The following PCNX2 variants were observed in gnomAD, a reference collection of about 807,000 sequenced individuals.
PCNX2 encodes the protein pecanex 2, also known as pecanex-like protein 2.
Under a neutral mutation model 223.8 loss-of-function variants are expected in PCNX2, and 168 were observed. The observed-to-expected ratio is 0.75, with a 90% CI of 0.66 to 0.85. The LOEUF is 0.85. PCNX2 is among the 40% of genes least tolerant of loss of function. The pLI, the probability that PCNX2 is intolerant of heterozygous loss-of-function variation, is 0.00. For missense variants in PCNX2, 2,507 were observed against 2,675.5 expected (o/e 0.94, Z 1.39); for synonymous variants, 1,006 against 1,052.6 (o/e 0.96, Z 0.86).
chr1:233,276,238 T>C (rs998981648), intron 1 of PCNX2, among the ~76,000 whole-genome samples: 2 of 152,186 alleles, frequency 1.3e-5, no homozygotes, highest in African/African-American at 2.4e-5. Flanking sequence ...AAATTCTGCA[T>C]GGTTCCACTT....
intron 19 of PCNX2, among the ~76,000 whole-genome samples, chr1:233,152,004 T>C (rs1447053974): frequency 6.6e-6 from 1 of 152,190 alleles, no homozygotes; most frequent in Admixed American, 6.5e-5. Context: ...CCCGCTGCAG[T>C]GTAACTTGGC....
At chr1:233,292,111 A>G (rs1661798838) in intron 1 of PCNX2, 2 of 836,912 alleles carry the variant, frequency 2.4e-6, no homozygotes, top group Non-Finnish European at 2.9e-6. Context: ...ATTTGCCTCA[A>G]TAATTAATAA....
intron 1 of PCNX2, among the ~76,000 whole-genome samples, chr1:233,266,380 G>A (rs1367827256): frequency 6.6e-6 from 1 of 152,002 alleles, no homozygotes; most frequent in Non-Finnish European, 1.5e-5. Flanking sequence ...TCTCCCTTCA[G>A]TAGACCCTCC....
chr1:233,124,992 C>A (rs1406321338), intron 21 of PCNX2, among the ~76,000 whole-genome samples: 1 of 152,180 alleles, frequency 6.6e-6, no homozygotes. Context: ...TATACTTGGT[C>A]ATTTACAAAT....
chr1:233,199,097 G>C, intron 14 of PCNX2, 67 bp from the exon 15 acceptor site: 2 of 1,395,160 alleles, frequency 1.4e-6, no homozygotes, highest in South Asian at 1.3e-5. Flanking sequence ...ATGTAAAACA[G>C]TGAAGAGATG....
At chr1:233,314,732 G>A in the PCNX2 span, among the ~76,000 whole-genome samples, 10 of 151,724 alleles carry the variant, frequency 6.6e-5, no homozygotes, top group African/African-American at 2.4e-4. Context: ...ATTAGGCTGG[G>A]GGCTTTTATT....
chr1:233,097,186 T>C (rs1000607356), intron 21 of PCNX2, among the ~76,000 whole-genome samples: 5 of 152,026 alleles, frequency 3.3e-5, no homozygotes, highest in Non-Finnish European at 7.4e-5. Flanking sequence ...CCTAAAAACA[T>C]GTCTACCAGA....
intron 12 of PCNX2, among the ~76,000 whole-genome samples, chr1:233,215,100 T>G (rs1572091224): frequency 6.6e-6 from 1 of 152,232 alleles, no homozygotes; most frequent in East Asian, 1.9e-4. Context: ...CCCTTATGAA[T>G]AAAAATCAGC....
intron 13 of PCNX2, among the ~76,000 whole-genome samples, chr1:233,203,177 T>C (rs1681231393): frequency 6.6e-6 from 1 of 152,182 alleles, no homozygotes; most frequent in Non-Finnish European, 1.5e-5. Context: ...CCAGACCCCA[T>C]ACAGGCCATG....
intron 21 of PCNX2, among the ~76,000 whole-genome samples, chr1:233,104,349 T>C (rs1674649543): frequency 6.6e-6 from 1 of 152,090 alleles, no homozygotes; most frequent in South Asian, 2.1e-4. Context: ...AATCAATACA[T>C]TTTTACCAAA....
intron 17 of PCNX2, among the ~76,000 whole-genome samples, chr1:233,171,355 C>T (rs1679142923): frequency 6.6e-6 from 1 of 151,672 alleles, no homozygotes; most frequent in Non-Finnish European, 1.5e-5. Context: ...TCACTTTCTA[C>T]TGAAAAATAT....
At position 233,001,296 on chromosome 1, in the gene PCNX2, A is replaced by G. The variant is rs1427450369; in HGVS notation, c.5097+241T>C. On this transcript the variant is annotated intron_variant, in intron 29 of 33. Transcript: ENST00000258229. This position sits in a 1 kb window ranked among gnomAD's most constrained non-coding sequence, Gnocchi z 4.2. Reference sequence around the variant, plus strand: ...GGAGTTCGAGATCAGCCTGACCAACATGGAGAAACCCCATTTCTACTACAA... The same window carrying G: ...GGAGTTCGAGATCAGCCTGACCAACGTGGAGAAACCCCATTTCTACTACAA... 1.3e-5 allele frequency among the ~76,000 whole-genome samples: 2 copies of G among 152,142 alleles called. No individual in the cohort carries two copies. Among genetic ancestry groups the G allele is most frequent in the Admixed American group, 6.6e-5 (1 of 15,258 alleles).
chr1:233,160,290 T>C lies in PCNX2; in HGVS notation c.3510A>G (p.Glu1170=), dbSNP rs1678390108. 1.9e-6 allele frequency: 3 copies of C among 1,612,762 alleles called. No individual in the cohort carries two copies. The highest frequency in any genetic ancestry group is 2.5e-6 in the Non-Finnish European group (3 of 1,179,132). Residue 1170 remains glutamate (E), a synonymous_variant, in exon 19 of 34, where the codon GAA becomes GAG. Coordinates refer to ENST00000258229, the MANE Select transcript of PCNX2 (RefSeq NM_014801.4). ...ILKNKEYHQR[E]VRDVAHLMWF... is the part of the protein sequence containing the mutation. Reference sequence around the variant, plus strand: ...GAGGGATATATTACTAACCTCTCACTTCCCGTTGATGATACTCTTTGTTTT... The same window carrying C: ...GAGGGATATATTACTAACCTCTCACCTCCCGTTGATGATACTCTTTGTTTT...
intron 10 of PCNX2, among the ~76,000 whole-genome samples, chr1:233,225,491 G>A (rs1023390390): frequency 1.3e-5 from 2 of 152,174 alleles, no homozygotes; most frequent in Admixed American, 1.3e-4. Flanking sequence ...CCAACCAGCT[G>A]AAGGATCTAT....
the PCNX2 span, among the ~76,000 whole-genome samples, chr1:233,322,415 AT>A: frequency 1.3e-5 from 2 of 152,266 alleles, no homozygotes; most frequent in African/African-American, 2.4e-5. Context: ...CAAATGATAC[AT>A]TTTAGGATAA....
In PCNX2 at chr1:233,017,111, C is replaced by T. The variant is rs764176973; in HGVS notation, c.4649G>A (p.Trp1550Ter). ...YMVTSPKLLS[W>*]IKNESLLKSL... ...CTTCAGAAGTGATTCATTTTTGATC[C>T]AGGAGAGGAGTTTGGGAGACGTTAC... Residue 1550 changes from tryptophan (W) to a stop codon, truncating the protein, a stop_gained, in exon 27 of 34, where the codon TGG becomes TAG. Transcript: ENST00000258229. LOFTEE classifies it high-confidence loss of function. The T allele has an allele frequency of 1.3e-6, 2 of 1,572,142 alleles. No homozygotes were observed. Among genetic ancestry groups the T allele is most frequent in the Non-Finnish European group, 1.7e-6 (2 of 1,162,808 alleles).
intron 32 of PCNX2, among the ~76,000 whole-genome samples, chr1:232,989,673 A>G (rs1440223961): frequency 2.6e-5 from 4 of 152,206 alleles, no homozygotes; most frequent in Non-Finnish European, 4.4e-5. Flanking sequence ...CACCCAGTAC[A>G]CTAACATGTA....
At chr1:233,319,269 G>A in the PCNX2 span, among the ~76,000 whole-genome samples, 5 of 152,120 alleles carry the variant, frequency 3.3e-5, no homozygotes, top group East Asian at 5.8e-4. Flanking sequence ...ATTTGTAAAC[G>A]TCAGAGGTTT....
intron 24 of PCNX2, 169 bp from the exon 25 acceptor site, chr1:233,054,652 C>A (rs1572051901): frequency 1.7e-6 from 1 of 577,574 alleles, no homozygotes; most frequent in Non-Finnish European, 3.0e-6. Context: ...TGAGACCCTC[C>A]AATTTTTTCC....
Sources: gnomAD v4.1 joint callset for allele counts (sites outside exome capture counted in the v4.1 genomes callset) on GRCh38, gnomAD v4.1.1 for gene constraint, Gnocchi (gnomAD v3.1) non-coding constraint, MANE v1.5 for transcripts, NCBI Gene and HGNC (gene_info 2026-07-23, HGNC 2026-07-21) for gene names.